The following LAMC3 variants were observed in gnomAD, a reference collection of about 807,000 sequenced individuals.
The protein encoded by LAMC3 is laminin subunit gamma-3.
Under a neutral mutation model 173.8 loss-of-function variants are expected in LAMC3, and 128 were observed. The observed-to-expected ratio is 0.74, with a 90% CI of 0.64 to 0.85. The LOEUF is 0.85. Ranked by LOEUF, LAMC3 falls within the 40% of genes least tolerant of loss-of-function variation. The pLI, the probability that LAMC3 is intolerant of heterozygous loss-of-function variation, is 0.00. For missense variants in LAMC3, 2,022 were observed against 2,156.0 expected (o/e 0.94, Z 1.23); for synonymous variants, 897 against 909.1 (o/e 0.99, Z 0.24).
chr9:131,053,404 G>T (rs557506829), intron 11 of LAMC3, among the ~76,000 whole-genome samples: 2 of 152,188 alleles, frequency 1.3e-5, no homozygotes, highest in Non-Finnish European at 2.9e-5. Flanking sequence ...GGAGGGTCTG[G>T]TCTTCCCAAA....
intron 7 of LAMC3, among the ~76,000 whole-genome samples, chr9:131,042,359 C>T (rs1208375732): frequency 6.6e-6 from 1 of 152,036 alleles, no homozygotes; most frequent in Non-Finnish European, 1.5e-5. Context: ...CTTTCACACC[C>T]ACAGCAGACA....
rs190192033 is a variant in LAMC3, at chr9:131,081,369, A to T, written c.3928-690A>T. On this transcript the variant is annotated intron_variant, in intron 23 of 27. Coordinates refer to ENST00000361069, the MANE Select transcript of LAMC3 (RefSeq NM_006059.4). Reference sequence around the variant, plus strand: ...GCAGTGGGGAAGAAACTGATCTTCCATAAGTCAAGGTGGTGTCATAAACAG... The same window carrying T: ...GCAGTGGGGAAGAAACTGATCTTCCTTAAGTCAAGGTGGTGTCATAAACAG... Among the ~76,000 whole-genome samples the T allele has an allele frequency of 9.8e-5, 15 of 152,318 alleles. No homozygotes were observed. The East Asian group carries it at 2.9e-3, about 29-fold the overall frequency.
intron 27 of LAMC3, among the ~76,000 whole-genome samples, chr9:131,091,186 C>T (rs1830418375): frequency 6.6e-6 from 1 of 152,200 alleles, no homozygotes; most frequent in African/African-American, 2.4e-5. Context: ...TTCAAGCTGG[C>T]AAAAATCACA....
At chr9:131,064,676 A>AGAG (rs149969886) in intron 13 of LAMC3, among the ~76,000 whole-genome samples, 1 of 146,484 alleles carries the variant, frequency 6.8e-6, no homozygotes, top group Admixed American at 6.7e-5. Context: ...AAAAAAAAAA[A>AGAG]AAAAGAAATG....
intron 4 of LAMC3, 102 bp from the exon 5 acceptor site, chr9:131,038,762 T>G (rs752417518): frequency 8.3e-7 from 1 of 1,211,036 alleles, no homozygotes; most frequent in Non-Finnish European, 1.2e-6. Context: ...CCCTTCTCTT[T>G]GCACTGCCTG....
chr9:131,036,344 A>T lies in LAMC3; in HGVS notation c.976+12A>T, dbSNP rs533618360. 18 of 1,612,564 alleles carry T rather than the reference A, an allele frequency of 1.1e-5. No individual in the cohort carries two copies. The highest frequency in any genetic ancestry group is 8.0e-5 in the African/African-American group (6 of 74,946). On this transcript the variant is annotated intron_variant, in intron 4 of 27. Transcript: ENST00000361069. Reference sequence around the variant, plus strand: ...CCACGAGTGTCTGCGTGAGTGTCTGAGTGTCACAGGGCATCAGGGACCCGA... The same window carrying T: ...CCACGAGTGTCTGCGTGAGTGTCTGTGTGTCACAGGGCATCAGGGACCCGA...
At chr9:131,042,961 A>C (rs1342796771) in intron 7 of LAMC3, among the ~76,000 whole-genome samples, 2 of 144,338 alleles carry the variant, frequency 1.4e-5, no homozygotes, top group African/African-American at 5.7e-5. Flanking sequence ...CACTGATGGC[A>C]TACCCATGGC....
intron 22 of LAMC3, among the ~76,000 whole-genome samples, chr9:131,077,969 G>A (rs573964393): frequency 5.1e-4 from 78 of 152,118 alleles, no homozygotes; most frequent in Non-Finnish European, 4.7e-4. Context: ...CTGTGACCTC[G>A]GCCAAGGACT....
intron 14 of LAMC3, 95 bp from the exon 15 acceptor site, chr9:131,067,983 G>A (rs1829968968): frequency 7.5e-7 from 1 of 1,334,956 alleles, no homozygotes; most frequent in African/African-American, 1.4e-5. Context: ...ATCATCTCTG[G>A]AGGCTCCCCC....
chr9:131,014,315 C>T (rs753978486), intron 1 of LAMC3, among the ~76,000 whole-genome samples: 4 of 152,254 alleles, frequency 2.6e-5, no homozygotes, highest in African/African-American at 4.8e-5. Flanking sequence ...TCTCCTCCCA[C>T]CTTCAGCCTA....
intron 1 of LAMC3, among the ~76,000 whole-genome samples, chr9:131,015,697 C>T (rs1244205178): frequency 6.6e-6 from 1 of 152,174 alleles, no homozygotes; most frequent in Non-Finnish European, 1.5e-5. Context: ...GCTCCACCGC[C>T]CAGGCTGGAG....
intron 11 of LAMC3, 83 bp downstream of exon 11, chr9:131,053,048 G>A (rs561730765): frequency 7.7e-6 from 8 of 1,043,882 alleles, no homozygotes; most frequent in South Asian, 3.9e-5. Flanking sequence ...TCACAGTCTT[G>A]TCAGGGCCTT....
chr9:131,037,254 G>T (rs1404968414), intron 4 of LAMC3, among the ~76,000 whole-genome samples: 4 of 152,224 alleles, frequency 2.6e-5, no homozygotes, highest in Non-Finnish European at 5.9e-5. Flanking sequence ...CATGTCCTCA[G>T]CTCCATGGTC....
chr9:131,032,086 G>A lies in LAMC3; in HGVS notation c.720G>A (p.Arg240=). 6.2e-7 allele frequency: 1 copy of A among 1,614,070 alleles called. No individual in the cohort carries two copies. Among genetic ancestry groups the A allele is most frequent in the South Asian group, 1.1e-5 (1 of 91,078 alleles). The change falls in exon 3 of 28, where the codon CGG becomes CGA. Residue 240 remains arginine (R), a synonymous_variant. Coordinates refer to ENST00000361069, the MANE Select transcript of LAMC3 (RefSeq NM_006059.4). ...TSTELLISLD[R]LNTFGDDIFK... is the part of the protein sequence containing the mutation. ...CCGAACTCCTCATCTCTCTAGACCGGCTCAACACGTTTGGGGACGACATCT... is the reference window on the plus strand; with the variant it reads ...CCGAACTCCTCATCTCTCTAGACCGACTCAACACGTTTGGGGACGACATCT...
intron 13 of LAMC3, among the ~76,000 whole-genome samples, chr9:131,066,656 C>T (rs1829938743): frequency 1.3e-5 from 2 of 152,078 alleles, no homozygotes; most frequent in African/African-American, 2.4e-5. Flanking sequence ...GTGCTTACTA[C>T]ATGTCAGGCT....
rs1564368059 is a variant in LAMC3 at position 131,032,177 on chromosome 9, T to G, written c.809+2T>G. ...GTCCGACTTCTCTGTGGGCGGCAGGTAGGAGGGAGGAGGGAGGCAGGGTGG... is the reference window on the plus strand; with the variant it reads ...GTCCGACTTCTCTGTGGGCGGCAGGGAGGAGGGAGGAGGGAGGCAGGGTGG... On this transcript the variant is annotated splice_donor_variant, in intron 3 of 27. Transcript: ENST00000361069. LOFTEE classifies it high-confidence loss of function. 2.6e-6 allele frequency: 4 copies of G among 1,532,838 alleles called. No homozygotes were observed. The highest frequency in any genetic ancestry group is 3.5e-6 in the Non-Finnish European group (4 of 1,133,048). 95.0% of individuals were successfully genotyped at this position (1,532,838 alleles called of 1,614,324 possible).
At chr9:131,041,790 A>G in intron 7 of LAMC3, 55 bp downstream of exon 7, 1 of 1,469,812 alleles carries the variant, frequency 6.8e-7, no homozygotes, top group Non-Finnish European at 9.4e-7. Flanking sequence ...GGGCTCACTG[A>G]TGAGGCACCA....
At chr9:131,050,370 C>T (rs1470559007) in intron 9 of LAMC3, among the ~76,000 whole-genome samples, 1 of 152,214 alleles carries the variant, frequency 6.6e-6, no homozygotes, top group East Asian at 1.9e-4. Context: ...CTGGTGACAG[C>T]ATCAGAGGGA....
At chr9:131,044,101 G>A (rs1169138838) in intron 7 of LAMC3, among the ~76,000 whole-genome samples, 1 of 151,746 alleles carries the variant, frequency 6.6e-6, no homozygotes, top group Non-Finnish European at 1.5e-5. Context: ...TAGGATTATA[G>A]GCACCCACCA....
Sources: allele counts gnomAD v4.1 joint callset (sites outside exome capture counted in the v4.1 genomes callset), GRCh38; gene constraint gnomAD v4.1.1; transcripts MANE v1.5; gene names NCBI Gene and HGNC (gene_info 2026-07-23, HGNC 2026-07-21).